The following ADCY5 variants were observed in gnomAD, a reference collection of about 807,000 sequenced individuals.
The protein encoded by ADCY5 is adenylate cyclase type 5.
ADCY5 carries 30 observed loss-of-function variants against 119.7 expected under a neutral mutation model. The observed-to-expected ratio is 0.25, with a 90% CI of 0.19 to 0.34. The LOEUF (loss-of-function observed/expected upper bound fraction) is 0.34. Ranked by LOEUF, ADCY5 falls within the 10% of genes least tolerant of loss-of-function variation. The pLI is 1.00. For missense variants in ADCY5, 1,324 were observed against 1,775.2 expected (o/e 0.75, Z 4.57); for synonymous variants, 753 against 762.2 (o/e 0.99, Z 0.20).
At chr3:123,387,812 C>A (rs975596992) in intron 1 of ADCY5, among the ~76,000 whole-genome samples, 1 of 152,200 alleles carries the variant, frequency 6.6e-6, no homozygotes, top group Non-Finnish European at 1.5e-5. Flanking sequence ...GGTTTTGAGA[C>A]ACATCCAGTC....
At chr3:123,362,709 A>AACCTC (rs1330311634) in intron 1 of ADCY5, among the ~76,000 whole-genome samples, 1 of 152,226 alleles carries the variant, frequency 6.6e-6, no homozygotes, top group African/African-American at 2.4e-5. Context: ...TTGGGAGGAC[A>AACCTC]TAAACTCTGC....
At chr3:123,405,729 G>A (rs1388927779) in intron 1 of ADCY5, among the ~76,000 whole-genome samples, 2 of 152,290 alleles carry the variant, frequency 1.3e-5, no homozygotes, top group South Asian at 2.1e-4. Context: ...CCACCTCCCA[G>A]GTTCAAGCAA....
In ADCY5 at chr3:123,290,939, G is replaced by A. The variant is rs148045387; in HGVS notation, c.3327+174C>T. Among the ~76,000 whole-genome samples, 15 of 152,316 alleles carry A rather than the reference G, an allele frequency of 9.8e-5. No homozygotes were observed. The East Asian group carries it at 2.9e-3, about 29-fold the overall frequency. ...ATGATGAGAGAGGCCATGTGTGCAA[G>A]GTGCCCATTGCAGCACCTGGGGACA... On this transcript the variant is annotated intron_variant, in intron 18 of 20. Coordinates refer to ENST00000462833, the MANE Select transcript of ADCY5 (RefSeq NM_183357.3).
chr3:123,345,558 C>A (rs960245608), intron 3 of ADCY5, among the ~76,000 whole-genome samples: 2 of 152,108 alleles, frequency 1.3e-5, no homozygotes, highest in Non-Finnish European at 2.9e-5. Flanking sequence ...TGACTTGGCT[C>A]GTATATGTTG....
At chr3:123,422,825 T>C (rs1945326846) in intron 1 of ADCY5, among the ~76,000 whole-genome samples, 1 of 152,176 alleles carries the variant, frequency 6.6e-6, no homozygotes, top group Non-Finnish European at 1.5e-5. Context: ...CCTGTGGCCA[T>C]TTCAGGGGAG....
intron 1 of ADCY5, among the ~76,000 whole-genome samples, chr3:123,376,747 C>G (rs1333160113): frequency 6.6e-6 from 1 of 152,146 alleles, no homozygotes; most frequent in Admixed American, 6.5e-5. Flanking sequence ...GAATGGGGAA[C>G]AAAAGTCTGG....
At chr3:123,311,143 G>A (rs553665896) in intron 12 of ADCY5, among the ~76,000 whole-genome samples, 54 of 152,364 alleles carry the variant, frequency 3.5e-4, no homozygotes, top group South Asian at 1.2e-3. Flanking sequence ...TGGCTTGGGG[G>A]TAATTTAGGA....
chr3:123,416,361 C>T, intron 1 of ADCY5: 1 of 1,514,678 alleles, frequency 6.6e-7, no homozygotes, highest in South Asian at 1.2e-5. Flanking sequence ...ATTTTGTCCC[C>T]TTGTCTTGGG....
At chr3:123,402,529 A>G (rs1944790151) in intron 1 of ADCY5, among the ~76,000 whole-genome samples, 1 of 152,204 alleles carries the variant, frequency 6.6e-6, no homozygotes, top group African/African-American at 2.4e-5. Flanking sequence ...AGAGCAGCTC[A>G]TAGGACCAGG....
chr3:123,319,908 G>A (rs1011156297), intron 9 of ADCY5, 90 bp from the exon 10 acceptor site: 25 of 1,517,492 alleles, frequency 1.6e-5, no homozygotes, highest in South Asian at 9.8e-5. Flanking sequence ...CCAGACTCTC[G>A]GAGAGGCCTG....
chr3:123,403,175 T>C (rs1944818995), intron 1 of ADCY5, among the ~76,000 whole-genome samples: 1 of 151,738 alleles, frequency 6.6e-6, no homozygotes, highest in African/African-American at 2.4e-5. Flanking sequence ...AGCTCAAGTG[T>C]TGGGGACCAG....
intron 2 of ADCY5, 140 bp from the exon 3 acceptor site, chr3:123,348,043 G>GTT: frequency 1.5e-6 from 1 of 681,592 alleles, no homozygotes; most frequent in Non-Finnish European, 2.5e-6. Flanking sequence ...AACAGTGTGT[G>GTT]TGTGTGTGTG....
chr3:123,383,925 GCACACA>G (rs59123635), intron 1 of ADCY5, among the ~76,000 whole-genome samples: 70,453 of 148,100 alleles, frequency 0.48, 17,286 homozygotes, highest in East Asian at 0.68. Context: ...CTCAAGGCAT[GCACACA>G]CACACACACA....
At chr3:123,426,281 C>A (rs559283555) in intron 1 of ADCY5, among the ~76,000 whole-genome samples, 1 of 143,786 alleles carries the variant, frequency 7.0e-6, no homozygotes, top group South Asian at 2.3e-4. Context: ...CTTTTTTTTT[C>A]TTTTTCTTTT....
intron 1 of ADCY5, among the ~76,000 whole-genome samples, chr3:123,420,660 G>C (rs1036468132): frequency 5.9e-5 from 9 of 152,178 alleles, no homozygotes; most frequent in Non-Finnish European, 1.2e-4. Context: ...TTGTCCCTGG[G>C]GGGTAACAAG....
intron 1 of ADCY5, among the ~76,000 whole-genome samples, chr3:123,445,479 A>G (rs1378290307): frequency 6.6e-6 from 1 of 152,102 alleles, no homozygotes; most frequent in Non-Finnish European, 1.5e-5. Flanking sequence ...AAATCTCCAT[A>G]TGGATGACAT....
chr3:123,339,210 G>A (rs1348185052), intron 3 of ADCY5, among the ~76,000 whole-genome samples: 2 of 152,192 alleles, frequency 1.3e-5, no homozygotes, highest in Non-Finnish European at 2.9e-5. Context: ...TTGACCAAGA[G>A]TGCTGTCCCC....
At chr3:123,355,321 A>G (rs1157049092) in intron 1 of ADCY5, among the ~76,000 whole-genome samples, 1 of 152,196 alleles carries the variant, frequency 6.6e-6, no homozygotes, top group East Asian at 1.9e-4. Flanking sequence ...TACCAATTGG[A>G]AGTAAAATTT....
In ADCY5 at chr3:123,447,881, G is replaced by A. The variant is rs747609761; in HGVS notation, c.665C>T (p.Pro222Leu). 1.2e-6 allele frequency: 2 copies of A among 1,612,380 alleles called. No homozygotes were observed. Among genetic ancestry groups the A allele is most frequent in the South Asian group, 1.1e-5 (1 of 91,060 alleles). The change falls in exon 1 of 21, where the codon CCG (proline) becomes CTG (leucine). Residue 222 changes from proline (P) to leucine (L), a missense_variant. Pro to Leu is a moderately conservative substitution (Grantham distance 98). Coordinates refer to ENST00000462833, the MANE Select transcript of ADCY5 (RefSeq NM_183357.3). ...LLQIFRSKKF[P>L]SDKLERLYQR... ...GTACAGCCGCTCCAGTTTGTCCGACGGGAACTTCTTGGAGCGGAATATCTG... is the reference window on the plus strand; with the variant it reads ...GTACAGCCGCTCCAGTTTGTCCGACAGGAACTTCTTGGAGCGGAATATCTG...
Sources: gnomAD v4.1 joint callset for allele counts (sites outside exome capture counted in the v4.1 genomes callset) on GRCh38, gnomAD v4.1.1 for gene constraint, MANE v1.5 for transcripts, NCBI Gene and HGNC (gene_info 2026-07-23, HGNC 2026-07-21) for gene names.